Variants in RPLP1 observed in about 807,000 individuals in gnomAD.
RPLP1 encodes ribosomal protein lateral stalk subunit P1, also known as large ribosomal subunit protein P1.
RPLP1 carries 4 observed loss-of-function variants against 11.6 expected under a neutral mutation model. The ratio of observed to expected loss-of-function variants is 0.34; its 90% confidence interval spans 0.17 to 0.79. The LOEUF is 0.79. Ranked by LOEUF, RPLP1 falls within the 30% of genes least tolerant of loss-of-function variation. RPLP1 has a pLI of 0.55. For synonymous variants in RPLP1, 54 were observed against 52.2 expected, an observed-to-expected ratio of 1.03 and a Z score of -0.15; for missense variants, 133 against 142.8, an observed-to-expected ratio of 0.93 and a Z score of 0.35.
In RPLP1 at chr15:69,455,258, G is replaced by A. The variant is rs1804203; in HGVS notation, c.236G>A (p.Gly79Asp). The A allele has an allele frequency of 6.3e-7, 1 of 1,582,744 alleles. No homozygotes were observed. The highest frequency in any genetic ancestry group is 8.6e-7 in the Non-Finnish European group (1 of 1,165,768). Residue 79 changes from glycine (G) to aspartate (D), a missense_variant, in exon 3 of 4, where the codon GGT becomes GAT. Gly to Asp is a moderately conservative substitution (Grantham distance 94, BLOSUM62 -1). Transcript: ENST00000260379. ...GCAGCTGGTGCTGCACCAGCAGGAG[G>A]TCCTGCCCCCTCCACTGCTGCTGCT... ...APAAGAAPAG[G>D]PAPSTAAAPA...
intron 1 of RPLP1, chr15:69,453,322 C>T (rs1299469986): frequency 7.0e-6 from 4 of 574,532 alleles, no homozygotes; most frequent in Non-Finnish European, 1.2e-5. Context: ...ACCCGTGCCT[C>T]GTCTCTCTCA....
Position 69,456,088 on chromosome 15 carries a change from TC to T in RPLP1, c.*583del, listed in dbSNP as rs754792202. ...AAAAAAAAAAGATTCAAACCTGTGT[TC>T]CAAAAACTAAGAGCTTTTTTTGTTT... is the stretch of plus-strand genomic sequence containing the variant. On this transcript the variant is annotated 3_prime_UTR_variant, in exon 4 of 4. Transcript: ENST00000260379. 6.6e-6 allele frequency: 1 copy of T among 152,180 alleles called. No homozygotes were observed. Among genetic ancestry groups the T allele is most frequent in the South Asian group, 2.1e-4 (1 of 4,834 alleles). 9.4% of individuals were successfully genotyped at this position (152,180 alleles called of 1,614,324 possible). A position where few individuals can be genotyped will look rare whatever the true frequency, so the allele number is the denominator to read the frequency against.
Position 69,452,915 on chromosome 15 carries a change from G to C in RPLP1, c.-34G>C, listed in dbSNP as rs11554448. On this transcript the variant is annotated 5_prime_UTR_variant, in exon 1 of 4. Transcript: ENST00000260379. ...CACTTCATCCGGCGACTAGCACCGCGTCCGGCAGCGCCAGCCCTACACTCG... is the reference window on the plus strand; with the variant it reads ...CACTTCATCCGGCGACTAGCACCGCCTCCGGCAGCGCCAGCCCTACACTCG... 1 of 1,556,766 alleles carries C rather than the reference G, an allele frequency of 6.4e-7. No individual in the cohort carries two copies. The highest frequency in any genetic ancestry group is 8.7e-7 in the Non-Finnish European group (1 of 1,152,580).
chr15:69,455,693 C>A lies in RPLP1; in HGVS notation c.*186C>A. On this transcript the variant is annotated 3_prime_UTR_variant, in exon 4 of 4. Coordinates refer to ENST00000260379, the MANE Select transcript of RPLP1 (RefSeq NM_001003.3). ...ATGTGAGATTTAGACAATCCTGATG[C>A]TAACAAGAAGGCACCTCATGGTACA... 1.7e-6 allele frequency: 1 copy of A among 593,596 alleles called. No individual in the cohort carries two copies. Among genetic ancestry groups the A allele is most frequent in the Non-Finnish European group, 3.0e-6 (1 of 337,762 alleles). The allele number at this position is 593,596 out of a possible 1,614,324, so 36.8% of individuals were successfully genotyped here.
chr15:69,455,116 G>A, intron 2 of RPLP1, 54 bp from the exon 3 acceptor site: 1 of 1,511,202 alleles, frequency 6.6e-7, no homozygotes, highest in African/African-American at 1.4e-5. Context: ...GGCTGCGTGA[G>A]TGCTTAACAA....
chr15:69,455,623 A>G lies in RPLP1; in HGVS notation c.*116A>G, dbSNP rs1216338593. 4.0e-6 allele frequency: 3 copies of G among 750,650 alleles called. No homozygotes were observed. Among genetic ancestry groups the G allele is most frequent in the Admixed American group, 5.8e-5 (2 of 34,660 alleles). 46.5% of individuals were successfully genotyped at this position (750,650 alleles called of 1,614,324 possible). On this transcript the variant is annotated 3_prime_UTR_variant, in exon 4 of 4. Transcript: ENST00000260379. ...GTTTTGTAATGTTGGCTTTCAGCCT[A>G]TTCTGCCATGACACAGGCTGGATTT...
chr15:69,453,610 C>T, intron 1 of RPLP1, 37 bp from the exon 2 acceptor site: 1 of 1,605,918 alleles, frequency 6.2e-7, no homozygotes, highest in Non-Finnish European at 8.5e-7. Flanking sequence ...ATTACATACG[C>T]TACGTTTTGA....
rs1352977689 is a variant in RPLP1, at chr15:69,452,917, C to A, written c.-32C>A. 8 of 1,558,446 alleles carry A rather than the reference C, an allele frequency of 5.1e-6. No individual in the cohort carries two copies. In the South Asian group the frequency reaches 9.4e-5, roughly 18 times the overall value. ...CTTCATCCGGCGACTAGCACCGCGT[C>A]CGGCAGCGCCAGCCCTACACTCGCC... On this transcript the variant is annotated 5_prime_UTR_variant, in exon 1 of 4. Coordinates refer to ENST00000260379, the MANE Select transcript of RPLP1 (RefSeq NM_001003.3).
intron 2 of RPLP1, chr15:69,453,989 C>T (rs1751555659): frequency 1.9e-6 from 1 of 534,042 alleles, no homozygotes; most frequent in Non-Finnish European, 3.3e-6. Flanking sequence ...AAAAGGGTCA[C>T]TCGGGAGATA....
chr15:69,453,600 A>AT (rs768148612), intron 1 of RPLP1, 47 bp from the exon 2 acceptor site: 1 of 1,589,756 alleles, frequency 6.3e-7, no homozygotes, highest in Non-Finnish European at 8.6e-7. Flanking sequence ...TTTTGGAGAT[A>AT]TTACATACGC....
At chr15:69,454,641 A>T (rs1198688202) in intron 2 of RPLP1, 1 of 152,238 alleles carries the variant, frequency 6.6e-6, no homozygotes, top group African/African-American at 2.4e-5. Context: ...AGTAGACTGA[A>T]AATTTGAATT....
chr15:69,453,085 G>T, intron 1 of RPLP1, 65 bp downstream of exon 1: 1 of 1,419,360 alleles, frequency 7.0e-7, no homozygotes, highest in Non-Finnish European at 9.7e-7. Flanking sequence ...TCTCCATGCG[G>T]TTCCCGGCTC....
intron 2 of RPLP1, chr15:69,454,254 A>G (rs544588908): frequency 1.1e-4 from 17 of 153,062 alleles, no homozygotes; most frequent in African/African-American, 4.1e-4. Flanking sequence ...GATGGTCTCG[A>G]TCTCCTGACC....
In RPLP1 at chr15:69,455,837, T is replaced by TA. The variant is rs1326142170; in HGVS notation, c.*331dup. On this transcript the variant is annotated 3_prime_UTR_variant, in exon 4 of 4. Coordinates refer to ENST00000260379, the MANE Select transcript of RPLP1 (RefSeq NM_001003.3). ...CCCCTACACTGGGGGTGGAGGGTAA[T>TA]ACAGACCAGCTTTAGAAAGCCTCCT... is the stretch of plus-strand genomic sequence containing the variant. 6 of 238,628 alleles carry TA rather than the reference T, an allele frequency of 2.5e-5. No individual in the cohort carries two copies. Among genetic ancestry groups the TA allele is most frequent in the African/African-American group, 1.3e-4 (6 of 44,638 alleles). 14.8% of individuals were successfully genotyped at this position (238,628 alleles called of 1,614,324 possible). A position where few individuals can be genotyped will look rare whatever the true frequency, so the allele number is the denominator to read the frequency against.
Position 69,455,633 on chromosome 15 carries a change from GAC to G in RPLP1, c.*130_*131del. 1.4e-6 allele frequency: 1 copy of G among 700,892 alleles called. No homozygotes were observed. Among genetic ancestry groups the G allele is most frequent in the Non-Finnish European group, 2.3e-6 (1 of 428,456 alleles). 43.4% of individuals were successfully genotyped at this position (700,892 alleles called of 1,614,324 possible). A position where few individuals can be genotyped will look rare whatever the true frequency, so the allele number is the denominator to read the frequency against. ...GTTGGCTTTCAGCCTATTCTGCCAT[GAC>G]ACAGGCTGGATTTTCCCTGCCACCA... is the stretch of plus-strand genomic sequence containing the variant. On this transcript the variant is annotated 3_prime_UTR_variant, in exon 4 of 4. Coordinates refer to ENST00000260379, the MANE Select transcript of RPLP1 (RefSeq NM_001003.3).
intron 1 of RPLP1, 48 bp downstream of exon 1, chr15:69,453,068 T>C (rs1892375276): frequency 6.7e-7 from 1 of 1,502,134 alleles, no homozygotes; most frequent in African/African-American, 1.4e-5. Context: ...GGGCGGTGAC[T>C]TTCGGCTCTC....
In RPLP1 at chr15:69,452,999, C is replaced by T. The variant is rs11554439; in HGVS notation, c.51C>T (p.His17=). ...GCATCTACTCGGCCCTCATTCTGCA[C>T]GACGATGAGGTGACAGTCACGGTGA... ...LACIYSALIL[H]DDEVTVTEDK... The change falls in exon 1 of 4, where the codon CAC becomes CAT. Residue 17 remains histidine, a synonymous_variant. Transcript: ENST00000260379. 4 of 1,575,104 alleles carry T rather than the reference C, an allele frequency of 2.5e-6. No homozygotes were observed. Among genetic ancestry groups the T allele is most frequent in the South Asian group, 2.3e-5 (2 of 85,962 alleles).
Position 69,455,652 on chromosome 15 carries a change from C to T in RPLP1, c.*145C>T, listed in dbSNP as rs1381055509. ...TGCCATGACACAGGCTGGATTTTCC[C>T]TGCCACCATTGCCGGATGTGAGATT... On this transcript the variant is annotated 3_prime_UTR_variant, in exon 4 of 4. Transcript: ENST00000260379. 1.7e-5 allele frequency: 11 copies of T among 635,592 alleles called. No individual in the cohort carries two copies. Among genetic ancestry groups the T allele is most frequent in the Non-Finnish European group, 2.7e-5 (10 of 371,436 alleles). The allele number at this position is 635,592 out of a possible 1,614,324, so 39.4% of individuals were successfully genotyped here.
Position 69,455,627 on chromosome 15 carries a change from T to G in RPLP1, c.*120T>G, listed in dbSNP as rs1488445891. On this transcript the variant is annotated 3_prime_UTR_variant, in exon 4 of 4. Coordinates refer to ENST00000260379, the MANE Select transcript of RPLP1 (RefSeq NM_001003.3). ...TGTAATGTTGGCTTTCAGCCTATTCTGCCATGACACAGGCTGGATTTTCCC... is the reference window on the plus strand; with the variant it reads ...TGTAATGTTGGCTTTCAGCCTATTCGGCCATGACACAGGCTGGATTTTCCC... 1 of 727,028 alleles carries G rather than the reference T, an allele frequency of 1.4e-6. No individual in the cohort carries two copies. The highest frequency in any genetic ancestry group is 2.2e-6 in the Non-Finnish European group (1 of 449,462). The allele number at this position is 727,028 out of a possible 1,614,324, so 45.0% of individuals were successfully genotyped here. A position where few individuals can be genotyped will look rare whatever the true frequency, so the allele number is the denominator to read the frequency against.
Sources: gnomAD v4.1 joint callset for allele counts on GRCh38, gnomAD v4.1.1 for gene constraint, MANE v1.5 for transcripts, NCBI Gene and HGNC (gene_info 2026-07-23, HGNC 2026-07-21) for gene names.